The following DHRSX variants were observed in gnomAD, a reference collection of about 807,000 sequenced individuals.
The protein encoded by DHRSX is polyprenol dehydrogenase.
Under a neutral mutation model 34.0 loss-of-function variants are expected in DHRSX, and 31 were observed. That is an observed-to-expected ratio of 0.91 (90% CI 0.69 to 1.23). The LOEUF is 1.23. Among genes scored for constraint, DHRSX ranks in the 50% most tolerant of loss-of-function variants. The pLI is 0.00. For synonymous variants in DHRSX, 201 were observed against 183.8 expected (o/e 1.09, Z -0.76); for missense variants, 414 against 428.1 (o/e 0.97, Z 0.29).
intron 3 of DHRSX, among the ~76,000 whole-genome samples, chrX:2,327,149 C>T (rs1230713762): frequency 2.0e-5 from 3 of 152,198 alleles, no homozygotes; most frequent in Non-Finnish European, 4.4e-5. Flanking sequence ...CAACACTTTT[C>T]GTGCATGAGT....
intron 1 of DHRSX, among the ~76,000 whole-genome samples, chrX:2,427,006 T>C (rs987305323): frequency 1.3e-5 from 2 of 152,222 alleles, no homozygotes; most frequent in African/African-American, 4.8e-5. Flanking sequence ...TTGGTTCCCC[T>C]GGGAAAGATA....
chrX:2,308,243 G>A (rs1307952653), intron 3 of DHRSX, among the ~76,000 whole-genome samples: 13 of 151,782 alleles, frequency 8.6e-5, no homozygotes, highest in Admixed American at 6.6e-4. Flanking sequence ...CAACGAGGGC[G>A]CTCCCAGTTA....
chrX:2,483,474 G>A (rs2044805399), intron 1 of DHRSX, among the ~76,000 whole-genome samples: 1 of 152,124 alleles, frequency 6.6e-6, no homozygotes, highest in Admixed American at 6.6e-5. Context: ...TGGCCATGTT[G>A]CCCAGGCTGG....
rs1325444190 is a variant in DHRSX, at chrX:2,320,889, GGTCCA to G, written c.287-29291_287-29287del. On this transcript the variant is annotated intron_variant, in intron 3 of 6. Coordinates refer to ENST00000334651, the MANE Select transcript of DHRSX (RefSeq NM_145177.3). ...TGCAAGACAGCAGCCATGACGTGTC[GGTCCA>G]CGTACAGCCTGTCTGCCTGAGGGCT... Among the ~76,000 whole-genome samples, 337 of 152,144 alleles carry G rather than the reference GGTCCA, an allele frequency of 2.2e-3. 1 individual carries two copies. The highest frequency in any genetic ancestry group is 7.3e-3 in the African/African-American group (303 of 41,536).
chrX:2,435,060 A>G (rs28390312), intron 1 of DHRSX, among the ~76,000 whole-genome samples: 4 of 124,130 alleles, frequency 3.2e-5, no homozygotes, highest in African/African-American at 1.1e-4. Flanking sequence ...GGTTCAGGAC[A>G]GGAGAGGAGG....
At position 2,416,808 on chromosome X, in the gene DHRSX, C is replaced by A. The variant is rs749261129; in HGVS notation, c.218-7995G>T. Among the ~76,000 whole-genome samples the A allele has an allele frequency of 2.6e-5, 4 of 151,912 alleles. No individual in the cohort carries two copies. The South Asian group carries it at 8.3e-4, about 32-fold the overall frequency. On this transcript the variant is annotated intron_variant, in intron 2 of 6. Transcript: ENST00000334651. Reference sequence around the variant, plus strand: ...TAATATTAATGTGCTTCAGTTGGACCCAGGTTATAATCTGAATTATTTTAC... The same window carrying A: ...TAATATTAATGTGCTTCAGTTGGACACAGGTTATAATCTGAATTATTTTAC...
intron 3 of DHRSX, among the ~76,000 whole-genome samples, chrX:2,346,912 T>C (rs1252154570): frequency 6.6e-6 from 1 of 152,078 alleles, no homozygotes; most frequent in Admixed American, 6.6e-5. Context: ...TGGTTTTCTG[T>C]CCTTGTGATA....
intron 1 of DHRSX, among the ~76,000 whole-genome samples, chrX:2,457,857 A>G (rs1448287448): frequency 6.6e-6 from 1 of 151,802 alleles, no homozygotes; most frequent in Non-Finnish European, 1.5e-5. Flanking sequence ...CCATGTACAC[A>G]CTGAAGACGT....
intron 5 of DHRSX, among the ~76,000 whole-genome samples, chrX:2,264,981 A>G (rs954905453): frequency 7.3e-6 from 1 of 137,758 alleles, no homozygotes; most frequent in African/African-American, 2.9e-5. Flanking sequence ...TGCCCAGCAG[A>G]TGCAGGAAGC....
At chrX:2,449,453 T>C (rs1432988015) in intron 1 of DHRSX, among the ~76,000 whole-genome samples, 5 of 152,206 alleles carry the variant, frequency 3.3e-5, no homozygotes, top group East Asian at 1.9e-4. Flanking sequence ...TGGAACATTC[T>C]GGGGGACACT....
intron 4 of DHRSX, among the ~76,000 whole-genome samples, chrX:2,269,512 A>G (rs2041520544): frequency 6.6e-6 from 1 of 151,874 alleles, no homozygotes; most frequent in Non-Finnish European, 1.5e-5. Flanking sequence ...ATGTGCTTGT[A>G]TGTGTGTGTG....
intron 3 of DHRSX, among the ~76,000 whole-genome samples, chrX:2,304,227 G>A (rs1569485904): frequency 2.9e-5 from 4 of 136,924 alleles, no homozygotes; most frequent in African/African-American, 5.5e-5. Context: ...ATGGATGGAT[G>A]GATGGATGGA....
intron 1 of DHRSX, among the ~76,000 whole-genome samples, chrX:2,448,106 G>A (rs1294199441): frequency 6.6e-6 from 1 of 151,186 alleles, no homozygotes; most frequent in East Asian, 1.9e-4. Context: ...GGGAGGCTGA[G>A]GCAGGAGGAT....
intron 1 of DHRSX, among the ~76,000 whole-genome samples, chrX:2,447,591 C>T (rs1397639069): frequency 2.0e-5 from 3 of 152,056 alleles, no homozygotes; most frequent in Admixed American, 6.6e-5. Flanking sequence ...CCCCTGTGCA[C>T]TGCAGCACTA....
rs186063685 is a variant in DHRSX at position 2,349,857 on chromosome X, T to G, written c.287-58254A>C. ...ATCGAGACCATCCTGGCTAACAGGG[T>G]GAAACCCCGTTTCCACTAAAAATAC... On this transcript the variant is annotated intron_variant, in intron 3 of 6. Coordinates refer to ENST00000334651, the MANE Select transcript of DHRSX (RefSeq NM_145177.3). Among the ~76,000 whole-genome samples, 38 of 144,738 alleles carry G rather than the reference T, an allele frequency of 2.6e-4. 2 individuals carry two copies. The East Asian group carries it at 7.9e-3, about 30-fold the overall frequency. 95.0% of individuals were successfully genotyped at this position (144,738 alleles called of 152,430 possible). A position where few individuals can be genotyped will look rare whatever the true frequency, so the allele number is the denominator to read the frequency against.
At chrX:2,311,133 C>G (rs2042160559) in intron 3 of DHRSX, among the ~76,000 whole-genome samples, 1 of 147,134 alleles carries the variant, frequency 6.8e-6, no homozygotes, top group Admixed American at 6.8e-5. Context: ...AAGCGAGAGA[C>G]AGAGAGAGAG....
At position 2,479,436 on chromosome X, in the gene DHRSX, G is replaced by A. The variant is rs2044735366; in HGVS notation, c.109+21381C>T. Among the ~76,000 whole-genome samples the A allele has an allele frequency of 2.6e-5, 4 of 151,846 alleles. No individual in the cohort carries two copies. The South Asian group carries it at 8.3e-4, about 32-fold the overall frequency. ...TGTGCACACTGACGACATTCCGTAAGAATATGGCCCTGTGCACACTGAAGA... is the reference window on the plus strand; with the variant it reads ...TGTGCACACTGACGACATTCCGTAAAAATATGGCCCTGTGCACACTGAAGA... On this transcript the variant is annotated intron_variant, in intron 1 of 6. Coordinates refer to ENST00000334651, the MANE Select transcript of DHRSX (RefSeq NM_145177.3).
At chrX:2,306,910 T>C (rs765212669) in intron 3 of DHRSX, among the ~76,000 whole-genome samples, 2 of 143,764 alleles carry the variant, frequency 1.4e-5, no homozygotes, top group Admixed American at 7.0e-5. Context: ...AGCTGTGAAT[T>C]TGTCTGGTCT....
intron 3 of DHRSX, among the ~76,000 whole-genome samples, chrX:2,393,691 G>GAGCACACAAGACACCCAGGGACCTCCCCA (rs2043370033): frequency 2.8e-4 from 13 of 45,622 alleles, no homozygotes; most frequent in East Asian, 6.9e-4. Flanking sequence ...GGACCTCCCT[G>GAGCACACAAGACACCCAGGGACCTCCCCA]TCTCCTGCGC....
Sources: gnomAD v4.1 joint callset for allele counts (sites outside exome capture counted in the v4.1 genomes callset) on GRCh38, gnomAD v4.1.1 for gene constraint, MANE v1.5 for transcripts, NCBI Gene and HGNC (gene_info 2026-07-23, HGNC 2026-07-21) for gene names.